The following CHL1 variants were observed in gnomAD, a reference collection of about 807,000 sequenced individuals.
CHL1 encodes the protein neural cell adhesion molecule L1-like protein.
In CHL1, 96 loss-of-function variants were observed where a neutral mutation model predicts 141.9. That is an observed-to-expected ratio of 0.68 (90% CI 0.57 to 0.80). The LOEUF (loss-of-function observed/expected upper bound fraction) is 0.80. Among genes scored for constraint, CHL1 ranks in the 30% least tolerant of loss-of-function variants. The pLI, the probability that CHL1 is intolerant of heterozygous loss-of-function variation, is 0.00. For missense variants in CHL1, 1,820 were observed against 1,457.2 expected, an observed-to-expected ratio of 1.25 and a Z score of -4.05; for synonymous variants, 613 against 502.2, an observed-to-expected ratio of 1.22 and a Z score of -2.95.
chr3:375,495 A>G (rs1380091014), intron 15 of CHL1, among the ~76,000 whole-genome samples: 1 of 151,916 alleles, frequency 6.6e-6, no homozygotes, highest in Non-Finnish European at 1.5e-5. Flanking sequence ...GCAAAGATGA[A>G]GATGCAGTCA....
chr3:344,491 T>A (rs370246060), intron 8 of CHL1, 98 bp from the exon 9 acceptor site: 9 of 624,990 alleles, frequency 1.4e-5, no homozygotes, highest in African/African-American at 2.1e-5. Context: ...ACACACACAC[T>A]CGTGTGTCGG....
chr3:242,373 GA>G (rs1171894525), intron 1 of CHL1, among the ~76,000 whole-genome samples: 3 of 144,364 alleles, frequency 2.1e-5, no homozygotes, highest in African/African-American at 7.7e-5. Flanking sequence ...GAGGGGGGCA[GA>G]TCACGAGGTC....
chr3:356,443 G>C (rs1703723541), intron 11 of CHL1, among the ~76,000 whole-genome samples: 1 of 152,168 alleles, frequency 6.6e-6, no homozygotes, highest in Non-Finnish European at 1.5e-5. Flanking sequence ...TCCCGGCACT[G>C]GACTTCATGC....
At chr3:257,949 A>T (rs1395034804) in intron 2 of CHL1, among the ~76,000 whole-genome samples, 1 of 152,170 alleles carries the variant, frequency 6.6e-6, no homozygotes, top group Non-Finnish European at 1.5e-5. Context: ...GAAGGAGAAG[A>T]TGGAATCTGG....
chr3:404,354 G>C (rs942780631), intron 27 of CHL1, among the ~76,000 whole-genome samples: 2 of 151,974 alleles, frequency 1.3e-5, no homozygotes, highest in Non-Finnish European at 2.9e-5. Flanking sequence ...AAATTATAAA[G>C]TGATATGTAC....
chr3:197,978 C>A, intron 1 of CHL1: 2 of 365,728 alleles, frequency 5.5e-6, no homozygotes, highest in South Asian at 4.1e-5. Context: ...AAAGCCAGCC[C>A]CTCCGTTCCC....
chr3:270,275 G>A (rs1176143992), intron 2 of CHL1, among the ~76,000 whole-genome samples: 1 of 152,164 alleles, frequency 6.6e-6, no homozygotes, highest in Non-Finnish European at 1.5e-5. Context: ...AAAAAAAATG[G>A]AAATATTTCA....
At chr3:393,238 A>AAAAAAAAAG (rs1255299580) in intron 23 of CHL1, among the ~76,000 whole-genome samples, 1 of 151,542 alleles carries the variant, frequency 6.6e-6, no homozygotes, top group East Asian at 1.9e-4. Flanking sequence ...GTCTCAAAAA[A>AAAAAAAAAG]AAAAAAAAAG....
chr3:405,969 A>G lies in CHL1; in HGVS notation c.*258A>G, dbSNP rs550537890. ...CACAAAACAAATCCTGCATTTAGATACACCTCAACTAAATCCAAAGTCCCC... is the reference window on the plus strand; with the variant it reads ...CACAAAACAAATCCTGCATTTAGATGCACCTCAACTAAATCCAAAGTCCCC... On this transcript the variant is annotated 3_prime_UTR_variant, in exon 28 of 28. Transcript: ENST00000256509. 1.2e-4 allele frequency: 48 copies of G among 388,214 alleles called. No homozygotes were observed. Among genetic ancestry groups the G allele is most frequent in the Non-Finnish European group, 2.2e-4 (45 of 208,810 alleles). 24.0% of individuals were successfully genotyped at this position (388,214 alleles called of 1,614,324 possible). A position where few individuals can be genotyped will look rare whatever the true frequency, so the allele number is the denominator to read the frequency against.
chr3:342,165 A>C (rs1702394346), intron 7 of CHL1, 83 bp downstream of exon 7: 1 of 1,295,162 alleles, frequency 7.7e-7, no homozygotes, highest in African/African-American at 1.5e-5. Flanking sequence ...AGCCATTTAA[A>C]GCTGGGTTGA....
chr3:391,565 T>C (rs760231834), intron 22 of CHL1, 110 bp from the exon 23 acceptor site: 6 of 718,394 alleles, frequency 8.4e-6, no homozygotes, highest in Non-Finnish European at 1.4e-5. Flanking sequence ...TTAATTAATA[T>C]TTACTTCAGA....
chr3:288,933 T>A (rs1442107598), intron 2 of CHL1, among the ~76,000 whole-genome samples: 1 of 152,224 alleles, frequency 6.6e-6, no homozygotes, highest in Non-Finnish European at 1.5e-5. Flanking sequence ...TTTTCCATCA[T>A]GCCTTTGGTT....
intron 1 of CHL1, among the ~76,000 whole-genome samples, chr3:215,919 T>G (rs928876001): frequency 1.3e-5 from 2 of 152,198 alleles, no homozygotes; most frequent in African/African-American, 4.8e-5. Flanking sequence ...TTTCAGCATT[T>G]CCACTAGTGT....
At chr3:353,262 TA>T (rs1208677870) in intron 10 of CHL1, among the ~76,000 whole-genome samples, 1 of 152,212 alleles carries the variant, frequency 6.6e-6, no homozygotes, top group Non-Finnish European at 1.5e-5. Flanking sequence ...TTTTCTATTA[TA>T]AATATGATAT....
At chr3:240,374 T>A (rs1166290497) in intron 1 of CHL1, among the ~76,000 whole-genome samples, 1 of 152,212 alleles carries the variant, frequency 6.6e-6, no homozygotes, top group Non-Finnish European at 1.5e-5. Context: ...TTTTCTTATG[T>A]TTGTTGGCCA....
At chr3:280,580 C>T (rs1467746049) in intron 2 of CHL1, among the ~76,000 whole-genome samples, 1 of 152,152 alleles carries the variant, frequency 6.6e-6, no homozygotes, top group African/African-American at 2.4e-5. Flanking sequence ...CTGTATCAAG[C>T]AGGCCCTGAG....
chr3:230,720 C>A (rs1444683479), intron 1 of CHL1, among the ~76,000 whole-genome samples: 1 of 152,018 alleles, frequency 6.6e-6, no homozygotes, highest in Non-Finnish European at 1.5e-5. Context: ...ATTTAAAAAT[C>A]ATTTTTGTAT....
chr3:277,614 A>G (rs1050419144), intron 2 of CHL1, among the ~76,000 whole-genome samples: 11 of 152,134 alleles, frequency 7.2e-5, no homozygotes, highest in African/African-American at 2.4e-4. Flanking sequence ...CTTATACTGG[A>G]AAAAAATGCA....
At chr3:304,083 T>C (rs540083336) in intron 2 of CHL1, among the ~76,000 whole-genome samples, 1 of 152,274 alleles carries the variant, frequency 6.6e-6, no homozygotes, top group Admixed American at 6.5e-5. Context: ...GCCAACTTCG[T>C]ACCTGGTGGT....
Sources: allele counts gnomAD v4.1 joint callset (sites outside exome capture counted in the v4.1 genomes callset), GRCh38; gene constraint gnomAD v4.1.1; transcripts MANE v1.5; gene names NCBI Gene and HGNC (gene_info 2026-07-23, HGNC 2026-07-21).